Variants in PIP4P2 observed in about 807,000 individuals in gnomAD.
The protein encoded by PIP4P2 is phosphatidylinositol-4,5-bisphosphate 4-phosphatase 2.
PIP4P2 carries 19 observed loss-of-function variants against 33.3 expected under a neutral mutation model. The ratio of observed to expected loss-of-function variants is 0.57; its 90% CI spans 0.40 to 0.84. The LOEUF (loss-of-function observed/expected upper bound fraction) is 0.84. PIP4P2 is among the 40% of genes least tolerant of loss of function. PIP4P2 has a pLI of 0.00. For missense variants in PIP4P2, 270 were observed against 324.7 expected (o/e 0.83, Z 1.29); for synonymous variants, 110 against 111.9 (o/e 0.98, Z 0.11).
At chr8:91,001,134 A>G (rs1811692855) in intron 5 of PIP4P2, among the ~76,000 whole-genome samples, 1 of 152,136 alleles carries the variant, frequency 6.6e-6, no homozygotes, top group Non-Finnish European at 1.5e-5. Context: ...TAAATAACAC[A>G]TAAAAATACC....
At chr8:91,004,964 A>C (rs370995364) in intron 5 of PIP4P2, among the ~76,000 whole-genome samples, 1 of 152,172 alleles carries the variant, frequency 6.6e-6, no homozygotes, top group African/African-American at 2.4e-5. Context: ...GATAAATTAC[A>C]AATCTATACA....
At position 91,020,014 on chromosome 8, in the gene PIP4P2, T is replaced by A. The variant is rs901628451; in HGVS notation, c.362+143A>T. ...AGTTCAAACTAAGCTTATCATTCCT[T>A]TAACAAAAAAATAATCTAGATTCTG... On this transcript the variant is annotated intron_variant, in intron 3 of 6. Transcript: ENST00000285419. 6.7e-6 allele frequency: 5 copies of A among 740,970 alleles called. No homozygotes were observed. The African/African-American group carries it at 8.9e-5, about 13-fold the overall frequency. The allele number at this position is 740,970 out of a possible 1,614,324, so 45.9% of individuals were successfully genotyped here. A position where few individuals can be genotyped will look rare whatever the true frequency, so the allele number is the denominator to read the frequency against.
intron 5 of PIP4P2, among the ~76,000 whole-genome samples, chr8:91,006,239 G>A (rs921826273): frequency 6.6e-6 from 1 of 152,228 alleles, no homozygotes; most frequent in Non-Finnish European, 1.5e-5. Context: ...TGTGGTCACA[G>A]TATTTGCACT....
chr8:91,037,278 C>T (rs904039538), intron 1 of PIP4P2, among the ~76,000 whole-genome samples: 4 of 152,102 alleles, frequency 2.6e-5, no homozygotes, highest in Admixed American at 2.0e-4. Context: ...CTGCTGTTTC[C>T]ATTTTAGCCA....
chr8:91,017,648 T>C (rs1811936132), intron 4 of PIP4P2, among the ~76,000 whole-genome samples: 1 of 152,148 alleles, frequency 6.6e-6, no homozygotes, highest in African/African-American at 2.4e-5. Context: ...CATGTCTTAG[T>C]GACAGCAGGT....
Position 91,017,158 on chromosome 8 carries a change from T to C in PIP4P2, c.486+1232A>G, listed in dbSNP as rs556402203. Among the ~76,000 whole-genome samples, 11 of 152,294 alleles carry C rather than the reference T, an allele frequency of 7.2e-5. No individual in the cohort carries two copies. In the East Asian group the frequency reaches 1.5e-3, roughly 21 times the overall value. On this transcript the variant is annotated intron_variant, in intron 4 of 6. Coordinates refer to ENST00000285419, the MANE Select transcript of PIP4P2 (RefSeq NM_018710.3). ...ACTATTTAGTGGGTAATGTCTAAAA[T>C]TGCTTAATCAAATAGAAAAAGGATA...
chr8:91,004,489 T>A (rs1170591730), intron 5 of PIP4P2, among the ~76,000 whole-genome samples: 2 of 152,110 alleles, frequency 1.3e-5, no homozygotes, highest in African/African-American at 2.4e-5. Context: ...AGTTGACACC[T>A]AAAATTAATC....
rs763597392 is a variant in PIP4P2 at position 91,020,245 on chromosome 8, T to C, written c.274A>G (p.Thr92Ala). The C allele has an allele frequency of 2.5e-6, 4 of 1,613,560 alleles. No homozygotes were observed. Among genetic ancestry groups the C allele is most frequent in the African/African-American group, 2.7e-5 (2 of 74,882 alleles). The change falls in exon 3 of 7, where the codon ACA (threonine) becomes GCA (alanine). Residue 92 changes from threonine (T) to alanine (A), a missense_variant. Transcript: ENST00000285419. Reference protein sequence around the residue: ...NEATPIKNPPTGKKYVRCPCN... With the variant: ...NEATPIKNPPAGKKYVRCPCN... The stretch of plus-strand genomic sequence containing the variant: ...GGGCATCTAACATATTTCTTGCCTG[T>C]TGGGGGGTTTTTGATTGGCTGGATA...
At chr8:91,025,000 C>T (rs1475782211) in intron 1 of PIP4P2, among the ~76,000 whole-genome samples, 1 of 152,082 alleles carries the variant, frequency 6.6e-6, no homozygotes, top group Non-Finnish European at 1.5e-5. Context: ...AGAGCTGACT[C>T]CTGTTCTGGA....
At chr8:91,005,191 C>T (rs1563562181) in intron 5 of PIP4P2, among the ~76,000 whole-genome samples, 1 of 152,094 alleles carries the variant, frequency 6.6e-6, no homozygotes, top group South Asian at 2.1e-4. Context: ...TCCTGCATGT[C>T]CTGTCTCAGT....
At position 90,994,906 on chromosome 8, in the gene PIP4P2, G is replaced by C. The variant is rs554547812; in HGVS notation, c.*771C>G. On this transcript the variant is annotated 3_prime_UTR_variant, in exon 7 of 7. Transcript: ENST00000285419. The stretch of plus-strand genomic sequence containing the variant: ...CCTCTATAAAGGAATACATAGAGCT[G>C]ATAAACATTAAATTCCATAATCCAG... 2.0e-5 allele frequency: 3 copies of C among 152,138 alleles called. No individual in the cohort carries two copies. The South Asian group carries it at 6.2e-4, about 32-fold the overall frequency. The allele number at this position is 152,138 out of a possible 1,614,324, so 9.4% of individuals were successfully genotyped here. A position where few individuals can be genotyped will look rare whatever the true frequency, so the allele number is the denominator to read the frequency against.
chr8:91,013,321 A>C (rs575176752), intron 4 of PIP4P2, among the ~76,000 whole-genome samples: 47 of 152,322 alleles, frequency 3.1e-4, no homozygotes, highest in African/African-American at 9.9e-4. Flanking sequence ...AAAACGTAAC[A>C]AGAAAGAATG....
intron 1 of PIP4P2, among the ~76,000 whole-genome samples, chr8:91,025,455 A>G (rs1033100106): frequency 1.3e-5 from 2 of 152,162 alleles, no homozygotes; most frequent in South Asian, 2.1e-4. Context: ...GTATTAATCC[A>G]TATTTCATCT....
Position 90,995,755 on chromosome 8 carries a change from G to C in PIP4P2, c.696C>G (p.Leu232=), listed in dbSNP as rs1306150721. 6.2e-7 allele frequency: 1 copy of C among 1,613,252 alleles called. No homozygotes were observed. The highest frequency in any genetic ancestry group is 1.3e-5 in the African/African-American group (1 of 74,846). Reference sequence around the variant, plus strand: ...CTCGGATAAGGCAGATCAATCCTAGGAGATAAGCAATTGCCCAAGAAACAT... The same window carrying C: ...CTCGGATAAGGCAGATCAATCCTAGCAGATAAGCAATTGCCCAAGAAACAT... ...ATYVSWAIAY[L]LGLICLIRAC... The change falls in exon 7 of 7, where the codon CTC becomes CTG. Residue 232 remains leucine, a synonymous_variant. Transcript: ENST00000285419.
At chr8:91,017,657 GT>G (rs1417290668) in intron 4 of PIP4P2, among the ~76,000 whole-genome samples, 2 of 151,988 alleles carry the variant, frequency 1.3e-5, no homozygotes, top group African/African-American at 4.8e-5. Flanking sequence ...GTGACAGCAG[GT>G]TTTGTTTAGA....
intron 4 of PIP4P2, chr8:91,016,722 T>C (rs1811920477): frequency 6.6e-6 from 1 of 152,142 alleles, no homozygotes. Context: ...TGGCATGGGA[T>C]CCAACACAGG....
chr8:91,006,600 T>A (rs557532320), intron 5 of PIP4P2, among the ~76,000 whole-genome samples: 1 of 152,330 alleles, frequency 6.6e-6, no homozygotes, highest in African/African-American at 2.4e-5. Context: ...AGGATTGCTG[T>A]AAAGATTACA....
At chr8:91,010,729 T>C (rs1811824643) in intron 4 of PIP4P2, among the ~76,000 whole-genome samples, 1 of 151,854 alleles carries the variant, frequency 6.6e-6, no homozygotes, top group Admixed American at 6.6e-5. Context: ...TCATCTAAAA[T>C]CTGGCCTCTG....
intron 5 of PIP4P2, among the ~76,000 whole-genome samples, chr8:91,001,334 G>T (rs184632868): frequency 9.3e-4 from 141 of 152,076 alleles, no homozygotes; most frequent in Middle Eastern, 6.8e-3. Context: ...AGCTAAAATA[G>T]AGAACAGTCT....
Sources: allele counts gnomAD v4.1 joint callset (sites outside exome capture counted in the v4.1 genomes callset), GRCh38; gene constraint gnomAD v4.1.1; transcripts MANE v1.5; gene names NCBI Gene and HGNC (gene_info 2026-07-23, HGNC 2026-07-21).